Variants in MAP2 observed in about 807,000 individuals in gnomAD.
The protein encoded by MAP2 is microtubule-associated protein 2.
In MAP2, 14 loss-of-function variants were observed where a neutral mutation model predicts 137.6. The observed-to-expected ratio is 0.10, with a 90% CI of 0.07 to 0.16. The LOEUF (loss-of-function observed/expected upper bound fraction) is 0.16, where lower values mean the gene tolerates loss of function less well. Among genes scored for constraint, MAP2 ranks in the 10% least tolerant of loss-of-function variants. The pLI is 1.00. For missense variants in MAP2, 2,088 were observed against 2,191.5 expected, an observed-to-expected ratio of 0.95 and a Z score of 0.94; for synonymous variants, 786 against 782.3, an observed-to-expected ratio of 1.00 and a Z score of -0.08.
chr2:209,556,378 A>G (rs1484799788), intron 2 of MAP2, among the ~76,000 whole-genome samples: 1 of 151,994 alleles, frequency 6.6e-6, no homozygotes, highest in East Asian at 1.9e-4. Context: ...TTGTGGTTCT[A>G]CCATTTATTT....
At chr2:209,473,626 C>T (rs921357211) in intron 1 of MAP2, among the ~76,000 whole-genome samples, 10 of 151,848 alleles carry the variant, frequency 6.6e-5, no homozygotes, top group Non-Finnish European at 1.2e-4. Flanking sequence ...AAAGATAAAA[C>T]AGAGATGTAT....
intron 4 of MAP2, among the ~76,000 whole-genome samples, chr2:209,648,261 C>A (rs1286366748): frequency 6.6e-6 from 1 of 151,924 alleles, no homozygotes; most frequent in Non-Finnish European, 1.5e-5. Flanking sequence ...ACCACCACAC[C>A]CAGCTAATTT....
intron 2 of MAP2, among the ~76,000 whole-genome samples, chr2:209,535,474 A>G (rs139496599): frequency 6.6e-6 from 1 of 152,050 alleles, no homozygotes; most frequent in Non-Finnish European, 1.5e-5. Context: ...TGTTCTCCTT[A>G]GCATCTTTTC....
At chr2:209,562,437 C>T (rs566795739) in intron 2 of MAP2, among the ~76,000 whole-genome samples, 1 of 151,638 alleles carries the variant, frequency 6.6e-6, no homozygotes, top group South Asian at 2.1e-4. Context: ...TGGCTTACGT[C>T]TGTAATTCCA....
intron 1 of MAP2, among the ~76,000 whole-genome samples, chr2:209,460,498 A>G (rs902153464): frequency 2.0e-5 from 3 of 152,082 alleles, no homozygotes; most frequent in Non-Finnish European, 4.4e-5. Flanking sequence ...TAACTGGGAT[A>G]TGGGGGAACT....
intron 3 of MAP2, among the ~76,000 whole-genome samples, chr2:209,607,406 G>A (rs888544961): frequency 6.6e-6 from 1 of 152,070 alleles, no homozygotes; most frequent in African/African-American, 2.4e-5. Flanking sequence ...CCTCTCAGAT[G>A]TCTTCAAATT....
At chr2:209,612,046 G>A (rs1469459648) in intron 3 of MAP2, among the ~76,000 whole-genome samples, 1 of 152,136 alleles carries the variant, frequency 6.6e-6, no homozygotes, top group African/African-American at 2.4e-5. Flanking sequence ...TAAGACATGA[G>A]CTTTAATAAG....
intron 1 of MAP2, among the ~76,000 whole-genome samples, chr2:209,487,218 G>C (rs1486962607): frequency 1.3e-5 from 2 of 152,276 alleles, no homozygotes; most frequent in East Asian, 3.9e-4. Context: ...ACTCACCCGA[G>C]AGAAAGCCTC....
chr2:209,688,470 G>A (rs995935152), intron 7 of MAP2, among the ~76,000 whole-genome samples: 3 of 152,160 alleles, frequency 2.0e-5, no homozygotes, highest in Non-Finnish European at 4.4e-5. Context: ...TGAAGAATCT[G>A]TTTAGAGCAG....
intron 1 of MAP2, among the ~76,000 whole-genome samples, chr2:209,470,085 T>C (rs1318061680): frequency 6.6e-6 from 1 of 152,234 alleles, no homozygotes; most frequent in African/African-American, 2.4e-5. Context: ...ACACATATGT[T>C]TGCTTTCAGA....
At chr2:209,638,130 C>T (rs972475149) in intron 4 of MAP2, among the ~76,000 whole-genome samples, 1 of 151,990 alleles carries the variant, frequency 6.6e-6, no homozygotes, top group African/African-American at 2.4e-5. Flanking sequence ...CATTTCAGGC[C>T]TGGAGGATTT....
intron 13 of MAP2, among the ~76,000 whole-genome samples, chr2:209,717,513 T>A (rs1285997208): frequency 6.6e-6 from 1 of 152,124 alleles, no homozygotes; most frequent in Non-Finnish European, 1.5e-5. Flanking sequence ...ATTACATAGT[T>A]TACCTTCAAT....
chr2:209,572,415 A>G (rs1268372755), intron 2 of MAP2, among the ~76,000 whole-genome samples: 1 of 152,138 alleles, frequency 6.6e-6, no homozygotes, highest in African/African-American at 2.4e-5. Context: ...TTGTTTAAAT[A>G]TTTCTTACTG....
At chr2:209,704,426 T>C in intron 11 of MAP2, 2 of 1,588,310 alleles carry the variant, frequency 1.3e-6, no homozygotes, top group South Asian at 2.3e-5. Flanking sequence ...TTTTGTGCTT[T>C]TGTTTGTTTT....
Position 209,602,200 on chromosome 2 carries a change from A to G in MAP2, c.-107+22100A>G, listed in dbSNP as rs556187584. On this transcript the variant is annotated intron_variant, in intron 3 of 15. Coordinates refer to ENST00000682079, the MANE Select transcript of MAP2 (RefSeq NM_001375505.1). ...CATATTCTTTTTATATTTCTCTCAA[A>G]TGGAACAAATCAATTCTCAGTCAAA... is the stretch of plus-strand genomic sequence containing the variant. Among the ~76,000 whole-genome samples the G allele has an allele frequency of 3.0e-4, 46 of 152,346 alleles. 2 individuals carry two copies. The South Asian group carries it at 9.1e-3, about 30-fold the overall frequency.
At chr2:209,429,915 T>C (rs1299792418) in intron 1 of MAP2, among the ~76,000 whole-genome samples, 1 of 152,068 alleles carries the variant, frequency 6.6e-6, no homozygotes, top group Non-Finnish European at 1.5e-5. Flanking sequence ...ATCATTTTGA[T>C]TGGTATTAAG....
At chr2:209,584,395 A>G (rs6435532) in intron 3 of MAP2, among the ~76,000 whole-genome samples, 150,991 of 152,264 alleles carry the variant, frequency 0.99, 74,875 homozygotes, top group East Asian at 1. Flanking sequence ...CTAGAGTATA[A>G]AGCAGAAAAA....
At chr2:209,492,361 T>G (rs2059219541) in intron 1 of MAP2, among the ~76,000 whole-genome samples, 2 of 152,182 alleles carry the variant, frequency 1.3e-5, no homozygotes, top group South Asian at 2.1e-4. Flanking sequence ...CTGGAAGTAT[T>G]CCATTTGAAA....
intron 14 of MAP2, among the ~76,000 whole-genome samples, chr2:209,728,438 T>C (rs970165424): frequency 1.3e-5 from 2 of 152,222 alleles, no homozygotes; most frequent in African/African-American, 4.8e-5. Flanking sequence ...GAAGGATAAC[T>C]ACATCTCTAA....
Sources: allele counts gnomAD v4.1 joint callset (sites outside exome capture counted in the v4.1 genomes callset), GRCh38; gene constraint gnomAD v4.1.1; transcripts MANE v1.5; gene names NCBI Gene and HGNC (gene_info 2026-07-23, HGNC 2026-07-21).